The following ANKS1A variants were observed in gnomAD, a reference collection of about 807,000 sequenced individuals.
ANKS1A encodes ankyrin repeat and SAM domain-containing protein 1A.
ANKS1A carries 55 observed loss-of-function variants against 120.3 expected under a neutral mutation model. The ratio of observed to expected loss-of-function variants is 0.46; its 90% CI spans 0.37 to 0.57. The LOEUF (loss-of-function observed/expected upper bound fraction) is 0.57. ANKS1A is among the 20% of genes least tolerant of loss of function. The pLI, the probability that ANKS1A is intolerant of heterozygous loss-of-function variation, is 0.00. For missense variants in ANKS1A, 1,123 were observed against 1,480.3 expected (o/e 0.76, Z 3.96); for synonymous variants, 590 against 604.7 (o/e 0.98, Z 0.36).
chr6:34,936,571 T>A (rs1003602022), intron 1 of ANKS1A, among the ~76,000 whole-genome samples: 1 of 152,240 alleles, frequency 6.6e-6, no homozygotes, highest in Non-Finnish European at 1.5e-5. Context: ...TTTATGAGAA[T>A]GTTCTAGTGC....
At chr6:34,920,247 G>C (rs563212027) in intron 1 of ANKS1A, among the ~76,000 whole-genome samples, 3 of 151,922 alleles carry the variant, frequency 2.0e-5, no homozygotes, top group African/African-American at 7.2e-5. Context: ...ACAAGGTCTT[G>C]CTATGTTGCC....
At chr6:34,979,939 A>G (rs1042965178) in intron 3 of ANKS1A, among the ~76,000 whole-genome samples, 3 of 152,220 alleles carry the variant, frequency 2.0e-5, no homozygotes, top group Admixed American at 2.0e-4. Flanking sequence ...GAAAGTGATA[A>G]TCAACCAGAG....
chr6:34,929,413 A>T (rs1768866828), intron 1 of ANKS1A, among the ~76,000 whole-genome samples: 1 of 152,164 alleles, frequency 6.6e-6, no homozygotes, highest in Admixed American at 6.5e-5. Flanking sequence ...AAAAGCTCCC[A>T]TCATTCTCGA....
intron 3 of ANKS1A, among the ~76,000 whole-genome samples, chr6:34,981,224 A>G (rs1031836376): frequency 1.3e-5 from 2 of 152,202 alleles, no homozygotes; most frequent in Non-Finnish European, 2.9e-5. Context: ...CAGATGAAAA[A>G]CTTTTATTAA....
intron 8 of ANKS1A, among the ~76,000 whole-genome samples, chr6:34,985,952 T>C (rs887447545): frequency 1.3e-5 from 2 of 152,218 alleles, no homozygotes; most frequent in African/African-American, 4.8e-5. Flanking sequence ...TATATCCCGA[T>C]AAAGCCATTG....
At chr6:35,006,305 G>T (rs1220516720) in intron 10 of ANKS1A, among the ~76,000 whole-genome samples, 1 of 149,994 alleles carries the variant, frequency 6.7e-6, no homozygotes, top group Non-Finnish European at 1.5e-5. Context: ...CTTTTTTGAG[G>T]CTCTGTCTCA....
At chr6:34,902,904 A>G (rs1581668385) in intron 1 of ANKS1A, among the ~76,000 whole-genome samples, 1 of 151,572 alleles carries the variant, frequency 6.6e-6, no homozygotes, top group Non-Finnish European at 1.5e-5. Context: ...TCTCTTTAAC[A>G]TATGTTCTTT....
chr6:35,068,734 GCT>G (rs1439602900), intron 13 of ANKS1A, among the ~76,000 whole-genome samples: 1 of 152,200 alleles, frequency 6.6e-6, no homozygotes, highest in Non-Finnish European at 1.5e-5. Context: ...CAGGATCATA[GCT>G]CTGTCTCGTT....
At chr6:34,925,875 G>C (rs899533213) in intron 1 of ANKS1A, among the ~76,000 whole-genome samples, 2 of 152,084 alleles carry the variant, frequency 1.3e-5, no homozygotes, top group African/African-American at 4.8e-5. Flanking sequence ...TAGAGACCAG[G>C]GATGCTATAA....
the ANKS1A span, among the ~76,000 whole-genome samples, chr6:35,097,963 C>T: frequency 6.6e-6 from 1 of 152,190 alleles, no homozygotes; most frequent in Non-Finnish European, 1.5e-5. Flanking sequence ...TGAACAGGTC[C>T]CATTTTGTCA....
chr6:35,029,408 G>T (rs943688808), intron 11 of ANKS1A, among the ~76,000 whole-genome samples: 1 of 148,972 alleles, frequency 6.7e-6, no homozygotes, highest in Non-Finnish European at 1.5e-5. Context: ...GAGTGCAGTG[G>T]CACAAACTTG....
intron 1 of ANKS1A, among the ~76,000 whole-genome samples, chr6:34,893,694 G>A (rs187174269): frequency 2.1e-4 from 32 of 152,196 alleles, no homozygotes; most frequent in South Asian, 4.1e-4. Context: ...AGTATGATAC[G>A]TCTGTGTAAC....
intron 1 of ANKS1A, among the ~76,000 whole-genome samples, chr6:34,895,780 C>CTTTTTTTTTTT (rs995285475): frequency 1.9e-4 from 17 of 90,386 alleles, no homozygotes; most frequent in African/African-American, 4.6e-4. Flanking sequence ...GAATGTCTTT[C>CTTTTTTTTTTT]TTTTTTTTTT....
At chr6:34,895,907 A>G (rs1449996511) in intron 1 of ANKS1A, among the ~76,000 whole-genome samples, 1 of 145,826 alleles carries the variant, frequency 6.9e-6, no homozygotes, top group Non-Finnish European at 1.5e-5. Context: ...CTCCTGTCTC[A>G]GCCTCCCGAG....
chr6:35,068,615 C>T (rs1190312527), intron 13 of ANKS1A, among the ~76,000 whole-genome samples: 1 of 152,256 alleles, frequency 6.6e-6, no homozygotes, highest in East Asian at 1.9e-4. Context: ...CCCCTCTCCC[C>T]TCTTAGGAGG....
At chr6:35,076,391 G>A (rs1777357963) in intron 13 of ANKS1A, among the ~76,000 whole-genome samples, 2 of 152,090 alleles carry the variant, frequency 1.3e-5, no homozygotes, top group South Asian at 4.1e-4. Context: ...CAGCCTGAGC[G>A]ACAGAGCGAG....
chr6:34,983,412 ACAGAAGT>A lies in ANKS1A; in HGVS notation c.1001_1007del (p.Gln334LeufsTer9). 1 of 1,613,558 alleles carries A rather than the reference ACAGAAGT, an allele frequency of 6.2e-7. No homozygotes were observed. Among genetic ancestry groups the A allele is most frequent in the Non-Finnish European group, 8.5e-7 (1 of 1,179,812 alleles). On this transcript the variant is annotated frameshift_variant, in exon 7 of 24. Transcript: ENST00000360359. LOFTEE classifies it high-confidence loss of function. ...TCATCTCCAGTATGGACTCCATATC[ACAGAAGT>A]CTCAGGGTAAGGTAACTCTCCCCTA...
At position 35,088,717 on chromosome 6, in the gene ANKS1A, C is replaced by G. The variant is rs527802879; in HGVS notation, c.*108C>G. On this transcript the variant is annotated 3_prime_UTR_variant, in exon 24 of 24. Coordinates refer to ENST00000360359, the MANE Select transcript of ANKS1A (RefSeq NM_015245.3). ...TGCAGCTCTGAAGACCCAGGCCTCA[C>G]CTCCGCCTGCAGGACCTCCTCTTGG... 20 of 1,609,828 alleles carry G rather than the reference C, an allele frequency of 1.2e-5. No individual in the cohort carries two copies. In the South Asian group the frequency reaches 2.0e-4, roughly 16 times the overall value.
At chr6:35,067,715 C>T (rs1033511071) in intron 13 of ANKS1A, among the ~76,000 whole-genome samples, 3 of 151,986 alleles carry the variant, frequency 2.0e-5, no homozygotes, top group Non-Finnish European at 4.4e-5. Flanking sequence ...GTTTTTTTTC[C>T]TAATATATAG....
Sources: gnomAD v4.1 joint callset for allele counts (sites outside exome capture counted in the v4.1 genomes callset) on GRCh38, gnomAD v4.1.1 for gene constraint, MANE v1.5 for transcripts, NCBI Gene and HGNC (gene_info 2026-07-23, HGNC 2026-07-21) for gene names.